The following RARB variants were observed in gnomAD, a reference collection of about 807,000 sequenced individuals.
RARB encodes retinoic acid receptor beta, also known as HBV-activated protein.
RARB carries 17 observed loss-of-function variants against 51.9 expected under a neutral mutation model. The ratio of observed to expected loss-of-function variants is 0.33; its 90% CI spans 0.22 to 0.49. The LOEUF (loss-of-function observed/expected upper bound fraction) is 0.49, where lower values mean the gene tolerates loss of function less well. Among genes scored for constraint, RARB ranks in the 20% least tolerant of loss-of-function variants. The probability of loss-of-function intolerance (pLI) is 0.99; values close to 1 mark genes in which losing one functional copy is unlikely to be tolerated. For synonymous variants in RARB, 215 were observed against 195.4 expected (o/e 1.10, Z -0.84); for missense variants, 369 against 550.8 (o/e 0.67, Z 3.30).
At chr3:25,122,911 GA>G (rs1452422598) in intron 3 of RARB, among the ~76,000 whole-genome samples, 1 of 152,104 alleles carries the variant, frequency 6.6e-6, no homozygotes, top group Non-Finnish European at 1.5e-5. Flanking sequence ...ATCGGGTCTG[GA>G]GTTGGCACCT....
chr3:25,074,912 G>A (rs947878903), intron 3 of RARB, among the ~76,000 whole-genome samples: 3 of 152,204 alleles, frequency 2.0e-5, no homozygotes, highest in Non-Finnish European at 4.4e-5. Context: ...TTTAGGGAAT[G>A]TGAACTTGAT....
intron 2 of RARB, among the ~76,000 whole-genome samples, chr3:24,941,906 C>T (rs1695675429): frequency 6.6e-6 from 1 of 152,312 alleles, no homozygotes; most frequent in South Asian, 2.1e-4. Context: ...ATTTGCAGTT[C>T]TCTTCTCACC....
intron 3 of RARB, among the ~76,000 whole-genome samples, chr3:25,502,379 A>T (rs1286641): frequency 0.45 from 68,122 of 151,964 alleles, 16,678 homozygotes; most frequent in African/African-American, 0.65. Context: ...AAGCCCCTGT[A>T]GCCAACCAGA....
At chr3:25,403,137 T>A (rs1488299096) in intron 5 of RARB, among the ~76,000 whole-genome samples, 1 of 140,392 alleles carries the variant, frequency 7.1e-6, no homozygotes, top group African/African-American at 2.7e-5. Flanking sequence ...CACTCCAGCC[T>A]GAGTGACAGA....
intron 2 of RARB, among the ~76,000 whole-genome samples, chr3:25,497,099 G>C (rs1234656752): frequency 2.0e-5 from 3 of 152,162 alleles, no homozygotes; most frequent in Non-Finnish European, 4.4e-5. Flanking sequence ...GGTCAGGCTG[G>C]TCTCGAACTC....
At chr3:25,000,975 T>G (rs188562975) in intron 2 of RARB, among the ~76,000 whole-genome samples, 1 of 152,242 alleles carries the variant, frequency 6.6e-6, no homozygotes, top group East Asian at 1.9e-4. Context: ...GGTTGATTTT[T>G]GAATTGAGCA....
chr3:25,092,330 T>C (rs1381899403), intron 3 of RARB, among the ~76,000 whole-genome samples: 1 of 152,190 alleles, frequency 6.6e-6, no homozygotes, highest in Non-Finnish European at 1.5e-5. Context: ...TAGTTTCATT[T>C]AGAACTTTTT....
At chr3:25,173,440 G>C (rs1482680424) in intron 4 of RARB, among the ~76,000 whole-genome samples, 1 of 152,138 alleles carries the variant, frequency 6.6e-6, no homozygotes, top group African/African-American at 2.4e-5. Context: ...ACAAATGGAT[G>C]GATGGATGCA....
chr3:25,129,443 A>T (rs1699911006), intron 3 of RARB, among the ~76,000 whole-genome samples: 1 of 152,110 alleles, frequency 6.6e-6, no homozygotes, highest in Non-Finnish European at 1.5e-5. Context: ...AAATGAGATT[A>T]TGTAGGTTCA....
intron 3 of RARB, among the ~76,000 whole-genome samples, chr3:25,526,616 T>C (rs1698661695): frequency 6.6e-6 from 1 of 152,054 alleles, no homozygotes; most frequent in Admixed American, 6.6e-5. Context: ...GAACCAACAT[T>C]AAATAGCACA....
chr3:25,419,961 C>G lies in RARB; in HGVS notation c.179-41232C>G, dbSNP rs184482633. The stretch of plus-strand genomic sequence containing the variant: ...TTTGGAAGCCACCATGATATCTTCT[C>G]TAAGAGAAGCTTTCGAAGCTCTTGG... On this transcript the variant is annotated intron_variant, in intron 5 of 11. Transcript: ENST00000383772. Among the ~76,000 whole-genome samples, 253 of 151,924 alleles carry G rather than the reference C, an allele frequency of 1.7e-3. 2 individuals carry two copies. Among genetic ancestry groups the G allele is most frequent in the African/African-American group, 5.7e-3 (233 of 41,236 alleles).
rs569826389 is a variant in RARB at position 25,009,433 on chromosome 3, A to T, written c.-379-50692A>T. 3.9e-5 allele frequency among the ~76,000 whole-genome samples: 6 copies of T among 152,152 alleles called. No homozygotes were observed. The South Asian group carries it at 6.2e-4, about 16-fold the overall frequency. ...CCTTACATCTCTGCTTTTATCCTCC[A>T]CTGGTCTTCACAAGTAAAATGGGTA... On this transcript the variant is annotated intron_variant, in intron 2 of 11. Transcript: ENST00000383772.
At chr3:25,311,627 A>G (rs1704292429) in intron 5 of RARB, among the ~76,000 whole-genome samples, 1 of 152,240 alleles carries the variant, frequency 6.6e-6, no homozygotes, top group Non-Finnish European at 1.5e-5. Flanking sequence ...GCTTCCTCAA[A>G]GGAAGCAGGG....
chr3:24,994,362 T>G (rs576399567), intron 2 of RARB, among the ~76,000 whole-genome samples: 1 of 152,094 alleles, frequency 6.6e-6, no homozygotes, highest in Non-Finnish European at 1.5e-5. Context: ...TTTTTCTTGT[T>G]GAGTTATCTG....
At chr3:25,360,888 T>C (rs910346346) in intron 5 of RARB, among the ~76,000 whole-genome samples, 3 of 152,164 alleles carry the variant, frequency 2.0e-5, no homozygotes, top group African/African-American at 7.2e-5. Context: ...TAACCTGACC[T>C]TTCTCTCTGG....
intron 4 of RARB, among the ~76,000 whole-genome samples, chr3:25,154,218 A>G (rs973899113): frequency 6.6e-5 from 10 of 152,312 alleles, no homozygotes; most frequent in South Asian, 2.1e-4. Context: ...ATCTGCTAGT[A>G]TATATCCACA....
intron 5 of RARB, among the ~76,000 whole-genome samples, chr3:25,362,098 G>A (rs990266839): frequency 6.6e-5 from 10 of 152,218 alleles, no homozygotes; most frequent in Non-Finnish European, 8.8e-5. Context: ...CTTCCTCTAG[G>A]TGCTGTGTCC....
intron 5 of RARB, among the ~76,000 whole-genome samples, chr3:25,314,498 A>G (rs918888407): frequency 5.3e-5 from 8 of 152,166 alleles, no homozygotes; most frequent in Admixed American, 4.6e-4. Context: ...TGTTGCAACC[A>G]ATGAGTCTGT....
intron 3 of RARB, among the ~76,000 whole-genome samples, chr3:25,070,471 A>C (rs1298804694): frequency 1.3e-5 from 2 of 152,208 alleles, no homozygotes; most frequent in African/African-American, 4.8e-5. Flanking sequence ...CTTAACTAGA[A>C]ATCACTGGTA....
Sources: allele counts gnomAD v4.1 joint callset (sites outside exome capture counted in the v4.1 genomes callset), GRCh38; gene constraint gnomAD v4.1.1; transcripts MANE v1.5; gene names NCBI Gene and HGNC (gene_info 2026-07-23, HGNC 2026-07-21).